Variants in ZBTB38 observed in about 807,000 individuals in gnomAD.
ZBTB38 encodes the protein zinc finger and BTB domain containing 38.
Under a neutral mutation model 76.8 loss-of-function variants are expected in ZBTB38, and 20 were observed. That is an observed-to-expected ratio of 0.26 (90% CI 0.18 to 0.38). The LOEUF (loss-of-function observed/expected upper bound fraction) is 0.38, where lower values mean the gene tolerates loss of function less well. ZBTB38 is among the 10% of genes least tolerant of loss of function. The pLI is 1.00. For synonymous variants in ZBTB38, 504 were observed against 544.2 expected, an observed-to-expected ratio of 0.93 and a Z score of 1.03; for missense variants, 1,082 against 1,482.3, an observed-to-expected ratio of 0.73 and a Z score of 4.43.
intron 1 of ZBTB38, among the ~76,000 whole-genome samples, chr3:141,337,065 T>C (rs1419211845): frequency 6.6e-6 from 1 of 152,248 alleles, no homozygotes; most frequent in Non-Finnish European, 1.5e-5. Flanking sequence ...TGACGCCCAC[T>C]TCCAGTTCTA....
Position 141,443,202 on chromosome 3 carries a change from C to T in ZBTB38, c.814C>T (p.Pro272Ser). The change falls in exon 6 of 6, where the codon CCA (proline) becomes TCA (serine). Residue 272 changes from proline (P) to serine (S), a missense_variant. By Grantham distance (74) the Pro-to-Ser change is moderately conservative. Coordinates refer to ENST00000321464, the MANE Select transcript of ZBTB38 (RefSeq NM_001376113.1). The surrounding 1 kb of genome is among the most constrained non-coding windows in gnomAD (Gnocchi z 5.6). Reference protein sequence around the residue: ...TCRKPKTFSIPQDSDSATENI... With the variant: ...TCRKPKTFSISQDSDSATENI... ...CCGGAAGCCAAAGACATTCTCCATA[C>T]CACAGGATTCGGATTCAGCCACAGA... 6.2e-7 allele frequency: 1 copy of T among 1,614,210 alleles called. No homozygotes were observed. The highest frequency in any genetic ancestry group is 8.5e-7 in the Non-Finnish European group (1 of 1,180,040).
chr3:141,368,769 A>T lies in ZBTB38; in HGVS notation c.-345A>T, dbSNP rs1293379642. On this transcript the variant is annotated 5_prime_UTR_variant, in exon 1 of 6. Transcript: ENST00000321464. ...TGTGACTCCTGGGCCCAGGGAGTTG[A>T]CAGCGTCTGGGTTTCAGAGGAGCCA... 3 of 152,092 alleles carry T rather than the reference A, an allele frequency of 2.0e-5. No individual in the cohort carries two copies. The highest frequency in any genetic ancestry group is 1.3e-4 in the Admixed American group (2 of 15,278). 9.4% of individuals were successfully genotyped at this position (152,092 alleles called of 1,614,324 possible). A position where few individuals can be genotyped will look rare whatever the true frequency, so the allele number is the denominator to read the frequency against.
chr3:141,332,310 C>T (rs1174342187), intron 1 of ZBTB38, among the ~76,000 whole-genome samples: 1 of 152,160 alleles, frequency 6.6e-6, no homozygotes, highest in African/African-American at 2.4e-5. Context: ...CAGACAGTTC[C>T]ACCCTTGCTC....
intron 1 of ZBTB38, among the ~76,000 whole-genome samples, chr3:141,356,398 C>T (rs564187624): frequency 1.3e-5 from 2 of 152,196 alleles, no homozygotes; most frequent in East Asian, 3.9e-4. Context: ...TTTTCTCACT[C>T]ATACAAAAGT....
At chr3:141,371,643 G>A (rs1029553761) in intron 2 of ZBTB38, among the ~76,000 whole-genome samples, 1 of 152,080 alleles carries the variant, frequency 6.6e-6, no homozygotes, top group Non-Finnish European at 1.5e-5. Context: ...GGGCCCAGCC[G>A]AGAAACATTT....
At chr3:141,349,121 C>G (rs944908089) in intron 1 of ZBTB38, among the ~76,000 whole-genome samples, 1 of 152,042 alleles carries the variant, frequency 6.6e-6, no homozygotes, top group Admixed American at 6.5e-5. Flanking sequence ...CCAGACAGGC[C>G]CTCCTCTACC....
chr3:141,441,211 T>C (rs2080135688), intron 5 of ZBTB38, among the ~76,000 whole-genome samples: 1 of 152,134 alleles, frequency 6.6e-6, no homozygotes, highest in South Asian at 2.1e-4. Flanking sequence ...CCCCTCACTA[T>C]AATATCAGTT....
intron 5 of ZBTB38, among the ~76,000 whole-genome samples, chr3:141,430,466 T>C (rs1028773557): frequency 2.0e-5 from 3 of 152,222 alleles, no homozygotes; most frequent in Non-Finnish European, 4.4e-5. Context: ...CAGTCAGTTC[T>C]CAAGCTAATT....
chr3:141,400,969 C>A (rs186900601), intron 4 of ZBTB38, among the ~76,000 whole-genome samples: 9 of 152,210 alleles, frequency 5.9e-5, no homozygotes, highest in Non-Finnish European at 8.8e-5. Context: ...AGCAATACTG[C>A]ATACTAGCAC....
chr3:141,361,260 T>G (rs971354571), intron 1 of ZBTB38, among the ~76,000 whole-genome samples: 1 of 152,092 alleles, frequency 6.6e-6, no homozygotes, highest in African/African-American at 2.4e-5. Flanking sequence ...GGGCAAAATA[T>G]TCTCTGCTTT....
rs2080720773 is a variant in ZBTB38, at chr3:141,443,789, T to C, written c.1401T>C (p.Arg467=). Residue 467 remains arginine, a synonymous_variant, in exon 6 of 6, where the codon CGT becomes CGC. Coordinates refer to ENST00000321464, the MANE Select transcript of ZBTB38 (RefSeq NM_001376113.1). The surrounding 1 kb of genome is among the most constrained non-coding windows in gnomAD (Gnocchi z 5.6). ...QMLYSCVVCK[R]SYVTLSSLRR... is the part of the protein sequence containing the mutation. The stretch of plus-strand genomic sequence containing the variant: ...TCTACAGTTGCGTTGTGTGCAAACG[T>C]AGTTATGTGACCTTATCTAGCCTCC... 3.1e-6 allele frequency: 5 copies of C among 1,613,932 alleles called. No individual in the cohort carries two copies. The highest frequency in any genetic ancestry group is 4.2e-6 in the Non-Finnish European group (5 of 1,180,024).
Position 141,444,561 on chromosome 3 carries a change from T to A in ZBTB38, c.2173T>A (p.Ser725Thr), listed in dbSNP as rs763009831. ...SVIVHSSQFSSVIMHSNAIAA... is the reference protein window; with the variant it reads ...SVIVHSSQFSTVIMHSNAIAA... ...CATTGTACACAGCAGCCAGTTTTCA[T>A]CGGTGATCATGCACAGCAATGCCAT... The change falls in exon 6 of 6, where the codon TCG becomes ACG. Residue 725 changes from serine (S) to threonine (T), a missense_variant. By Grantham distance (58) the Ser-to-Thr change is moderately conservative (BLOSUM62 1). This residue lies in a region of ZBTB38 where 471 missense variants were observed against 581.0 expected (regional missense o/e 0.81). Coordinates refer to ENST00000321464, the MANE Select transcript of ZBTB38 (RefSeq NM_001376113.1). This position sits in a 1 kb window ranked among gnomAD's most constrained non-coding sequence, Gnocchi z 5.1. The A allele has an allele frequency of 1.2e-5, 20 of 1,614,056 alleles. No individual in the cohort carries two copies. The highest frequency in any genetic ancestry group is 8.5e-7 in the Non-Finnish European group (1 of 1,180,036).
chr3:141,345,103 C>T (rs1218542108), intron 1 of ZBTB38, among the ~76,000 whole-genome samples: 2 of 152,154 alleles, frequency 1.3e-5, no homozygotes, highest in African/African-American at 4.8e-5. Context: ...TCATCAACCT[C>T]TCTCACACGA....
intron 5 of ZBTB38, among the ~76,000 whole-genome samples, chr3:141,410,973 G>C (rs1400832171): frequency 6.6e-6 from 1 of 152,180 alleles, no homozygotes; most frequent in African/African-American, 2.4e-5. Flanking sequence ...TCAGCAACCC[G>C]TGAAGGCAGG....
At chr3:141,394,475 G>C (rs143240703) in intron 4 of ZBTB38, 1 of 152,186 alleles carries the variant, frequency 6.6e-6, no homozygotes, top group Non-Finnish European at 1.5e-5. Context: ...TTTTATTCAT[G>C]CTATGTGATC....
intron 1 of ZBTB38, among the ~76,000 whole-genome samples, chr3:141,355,378 T>G (rs1943629576): frequency 6.6e-6 from 1 of 152,126 alleles, no homozygotes; most frequent in Non-Finnish European, 1.5e-5. Context: ...GGAGCCCTAG[T>G]CTTTCACATG....
exon 1 of ZBTB38, chr3:141,324,273 T>C (rs1330787583): frequency 1.3e-5 from 2 of 152,020 alleles, no homozygotes; most frequent in South Asian, 2.1e-4. Flanking sequence ...GGCACTTGAG[T>C]TTTCTAGGAG....
Position 141,413,518 on chromosome 3 carries a change from C to G in ZBTB38, c.-1+9487C>G, listed in dbSNP as rs1296854308. Among the ~76,000 whole-genome samples the G allele has an allele frequency of 6.6e-6, 1 of 152,150 alleles. No individual in the cohort carries two copies. The highest frequency in any genetic ancestry group is 2.4e-5 in the African/African-American group (1 of 41,426). On this transcript the variant is annotated intron_variant, in intron 5 of 5. Coordinates refer to ENST00000321464, the MANE Select transcript of ZBTB38 (RefSeq NM_001376113.1). This position sits in a 1 kb window ranked among gnomAD's most constrained non-coding sequence, Gnocchi z 4.1. ...ATGGTCCAGGCCCTATTTCTATGATCTGTTTTTTGGAACTGTTGTATTTGT... is the reference window on the plus strand; with the variant it reads ...ATGGTCCAGGCCCTATTTCTATGATGTGTTTTTTGGAACTGTTGTATTTGT...
intron 5 of ZBTB38, among the ~76,000 whole-genome samples, chr3:141,416,471 G>A (rs1228965304): frequency 2.0e-5 from 3 of 152,236 alleles, no homozygotes; most frequent in East Asian, 3.9e-4. Context: ...GAGCTGGCTC[G>A]CTCTCCCTTC....
Sources: gnomAD v4.1 joint callset for allele counts (sites outside exome capture counted in the v4.1 genomes callset) on GRCh38, gnomAD v4.1.1 for gene constraint, gnomAD v4.1.1 regional missense constraint, Gnocchi (gnomAD v3.1) non-coding constraint, MANE v1.5 for transcripts, NCBI Gene and HGNC (gene_info 2026-07-23, HGNC 2026-07-21) for gene names.